Variants in RIMS1 observed in about 807,000 individuals in gnomAD.
The protein encoded by RIMS1 is regulating synaptic membrane exocytosis 1.
In RIMS1, 83 loss-of-function variants were observed where a neutral mutation model predicts 214.1. That is an observed-to-expected ratio of 0.39 (90% CI 0.32 to 0.47). RIMS1 has a LOEUF of 0.47. Ranked by LOEUF, RIMS1 falls within the 20% of genes least tolerant of loss-of-function variation. RIMS1 has a pLI of 0.99. For synonymous variants in RIMS1, 793 were observed against 786.8 expected (o/e 1.01, Z -0.13); for missense variants, 2,050 against 2,161.8 (o/e 0.95, Z 1.03).
In RIMS1 at chr6:72,100,041, A is replaced by G; in HGVS notation, c.471+55A>G. On this transcript the variant is annotated intron_variant, in intron 4 of 33. Coordinates refer to ENST00000521978, the MANE Select transcript of RIMS1 (RefSeq NM_014989.7). The stretch of plus-strand genomic sequence containing the variant: ...TTGTTATTGTATTGTTGTGAACTTT[A>G]TTAAGTGAATGTTGCACCTAGTATT... 5 of 1,389,088 alleles carry G rather than the reference A, an allele frequency of 3.6e-6. No homozygotes were observed. In the South Asian group the frequency reaches 5.9e-5, roughly 16 times the overall value. 86.0% of individuals were successfully genotyped at this position (1,389,088 alleles called of 1,614,324 possible).
intron 4 of RIMS1, among the ~76,000 whole-genome samples, chr6:72,150,429 T>C (rs1048407318): frequency 2.0e-5 from 3 of 152,200 alleles, no homozygotes; most frequent in African/African-American, 7.2e-5. Flanking sequence ...GACCCACCCC[T>C]ATCTGTTTAG....
intron 2 of RIMS1, among the ~76,000 whole-genome samples, chr6:71,990,621 TA>T (rs1230539021): frequency 6.6e-6 from 1 of 151,790 alleles, no homozygotes; most frequent in Non-Finnish European, 1.5e-5. Context: ...GGGCCTAATT[TA>T]ATAAAGAAAT....
At chr6:72,082,726 G>A (rs1316916133) in intron 2 of RIMS1, among the ~76,000 whole-genome samples, 1 of 152,170 alleles carries the variant, frequency 6.6e-6, no homozygotes, top group Non-Finnish European at 1.5e-5. Flanking sequence ...ATAAGTGGGT[G>A]TTCAGAACCT....
intron 29 of RIMS1, among the ~76,000 whole-genome samples, chr6:72,343,541 C>T (rs1356806992): frequency 1.6e-5 from 2 of 126,144 alleles, no homozygotes; most frequent in African/African-American, 6.4e-5. Context: ...GAACTCCTGG[C>T]CTCAAATGAT....
chr6:72,378,793 C>G (rs933307396), intron 29 of RIMS1, among the ~76,000 whole-genome samples: 13 of 152,182 alleles, frequency 8.5e-5, no homozygotes, highest in African/African-American at 3.1e-4. Flanking sequence ...GAGCCGAGAT[C>G]ATGCCACTTC....
chr6:72,025,431 T>C (rs961771111), intron 2 of RIMS1, among the ~76,000 whole-genome samples: 1 of 152,224 alleles, frequency 6.6e-6, no homozygotes, highest in African/African-American at 2.4e-5. Flanking sequence ...CCTCTGCTGC[T>C]TCTCTAAAAT....
At chr6:72,142,729 A>G (rs1161273262) in intron 4 of RIMS1, among the ~76,000 whole-genome samples, 1 of 152,286 alleles carries the variant, frequency 6.6e-6, no homozygotes, top group East Asian at 1.9e-4. Context: ...ACAGAGCACC[A>G]TAAAGGAAGG....
chr6:72,358,415 T>G (rs79120336), intron 29 of RIMS1, among the ~76,000 whole-genome samples: 13 of 152,284 alleles, frequency 8.5e-5, no homozygotes, highest in Non-Finnish European at 1.6e-4. Flanking sequence ...TTCTCATTTG[T>G]ATGAGAACTG....
At chr6:72,097,377 T>C (rs2032090589) in intron 3 of RIMS1, among the ~76,000 whole-genome samples, 1 of 152,242 alleles carries the variant, frequency 6.6e-6, no homozygotes, top group Non-Finnish European at 1.5e-5. Flanking sequence ...TGTTTCTTAA[T>C]ACATGATTCC....
rs531884061 is a variant in RIMS1 at position 72,042,124 on chromosome 6, T to G, written c.246-54825T>G. ...TTTTCTAAATGAGCATATTTTAAGA[T>G]AACACACAATATTGGTATTAGTTTT... On this transcript the variant is annotated intron_variant, in intron 2 of 33. Transcript: ENST00000521978. Among the ~76,000 whole-genome samples the G allele has an allele frequency of 1.4e-4, 21 of 152,080 alleles. No homozygotes were observed. The South Asian group carries it at 3.7e-3, about 27-fold the overall frequency.
At chr6:72,256,483 G>C (rs930620495) in intron 16 of RIMS1, among the ~76,000 whole-genome samples, 1 of 152,006 alleles carries the variant, frequency 6.6e-6, no homozygotes, top group African/African-American at 2.4e-5. Flanking sequence ...TTTACAGCAA[G>C]ATGCCAAAAT....
At chr6:71,933,984 A>G (rs923919920) in intron 1 of RIMS1, among the ~76,000 whole-genome samples, 4 of 152,158 alleles carry the variant, frequency 2.6e-5, no homozygotes, top group Non-Finnish European at 4.4e-5. Flanking sequence ...CATAACTTTG[A>G]TGATTGCAGG....
chr6:72,191,944 G>A (rs1036123512), intron 6 of RIMS1, among the ~76,000 whole-genome samples: 14 of 152,220 alleles, frequency 9.2e-5, no homozygotes, highest in Non-Finnish European at 1.9e-4. Context: ...CTCCAGGGAT[G>A]TGATATTGTT....
At chr6:72,106,929 A>C (rs2034866878) in intron 4 of RIMS1, among the ~76,000 whole-genome samples, 1 of 152,172 alleles carries the variant, frequency 6.6e-6, no homozygotes, top group Non-Finnish European at 1.5e-5. Context: ...AATAACTACT[A>C]ACTTCTCTTA....
intron 26 of RIMS1, among the ~76,000 whole-genome samples, chr6:72,302,004 A>G (rs1321993613): frequency 6.6e-6 from 1 of 151,632 alleles, no homozygotes; most frequent in Non-Finnish European, 1.5e-5. Context: ...TTTTGCAAAT[A>G]TAAGAAAAGT....
intron 2 of RIMS1, among the ~76,000 whole-genome samples, chr6:72,019,800 T>A (rs1301837765): frequency 3.9e-5 from 6 of 152,164 alleles, no homozygotes; most frequent in Non-Finnish European, 8.8e-5. Flanking sequence ...TTTTATCAGT[T>A]TAGTTTTTGA....
At chr6:71,969,738 G>C (rs1795370301) in intron 2 of RIMS1, among the ~76,000 whole-genome samples, 1 of 152,172 alleles carries the variant, frequency 6.6e-6, no homozygotes. Flanking sequence ...GAACCTGTGA[G>C]GTGGAGGCTG....
chr6:72,389,720 G>T (rs796485054), intron 29 of RIMS1, among the ~76,000 whole-genome samples: 2 of 152,118 alleles, frequency 1.3e-5, no homozygotes, highest in African/African-American at 2.4e-5. Flanking sequence ...TATATAGGAC[G>T]TATAGATGGA....
intron 4 of RIMS1, among the ~76,000 whole-genome samples, chr6:72,171,534 A>G (rs2047036337): frequency 6.6e-6 from 1 of 152,140 alleles, no homozygotes. Flanking sequence ...TTCAGGCACT[A>G]TGCTAAGCAA....
Sources: allele counts gnomAD v4.1 joint callset (sites outside exome capture counted in the v4.1 genomes callset), GRCh38; gene constraint gnomAD v4.1.1; transcripts MANE v1.5; gene names NCBI Gene and HGNC (gene_info 2026-07-23, HGNC 2026-07-21).